EFEMP1: variants seen among roughly 807,000 people sequenced by gnomAD.
EFEMP1 encodes EGF-like fibulin extracellular matrix protein 1, also known as EGF-containing fibulin-like extracellular matrix protein 1.
EFEMP1 carries 18 observed loss-of-function variants against 65.7 expected under a neutral mutation model. That is an observed-to-expected ratio of 0.27 (90% CI 0.19 to 0.41). The LOEUF is 0.41. Among genes scored for constraint, EFEMP1 ranks in the 10% least tolerant of loss-of-function variants. The pLI, the probability that EFEMP1 is intolerant of heterozygous loss-of-function variation, is 1.00. For missense variants in EFEMP1, 469 were observed against 624.8 expected, an observed-to-expected ratio of 0.75 and a Z score of 2.66; for synonymous variants, 237 against 219.7, an observed-to-expected ratio of 1.08 and a Z score of -0.70.
intron 5 of EFEMP1, among the ~76,000 whole-genome samples, chr2:55,915,043 A>G (rs533181261): frequency 6.6e-6 from 1 of 152,364 alleles, no homozygotes; most frequent in Admixed American, 6.5e-5. Context: ...ATGTTAGTCA[A>G]ATTCCCTAGA....
intron 5 of EFEMP1, among the ~76,000 whole-genome samples, chr2:55,898,892 G>A (rs1669932887): frequency 6.6e-6 from 1 of 152,098 alleles, no homozygotes; most frequent in Non-Finnish European, 1.5e-5. Flanking sequence ...TATGATTTAT[G>A]GAAAAGGGAG....
Position 55,877,891 on chromosome 2 carries a change from G to A in EFEMP1, c.641-26C>T. ...CTAGGTTATCAGGCACACACACAAA[G>A]AGAACCAAATTATTGAATTAGCATT... On this transcript the variant is annotated intron_variant, in intron 6 of 11. Coordinates refer to ENST00000355426, the MANE Select transcript of EFEMP1 (RefSeq NM_001039348.3). The surrounding 1 kb of genome is among the most constrained non-coding windows in gnomAD (Gnocchi z 4.5). The A allele has an allele frequency of 2.5e-6, 4 of 1,611,818 alleles. No individual in the cohort carries two copies. Among genetic ancestry groups the A allele is most frequent in the Non-Finnish European group, 3.4e-6 (4 of 1,178,332 alleles).
intron 5 of EFEMP1, among the ~76,000 whole-genome samples, chr2:55,898,571 C>A (rs1034851452): frequency 6.6e-6 from 1 of 152,054 alleles, no homozygotes; most frequent in African/African-American, 2.4e-5. Flanking sequence ...ACTAATGCTC[C>A]CCACCTCAGT....
intron 5 of EFEMP1, among the ~76,000 whole-genome samples, chr2:55,905,191 C>A (rs1466179631): frequency 6.6e-6 from 1 of 152,062 alleles, no homozygotes; most frequent in African/African-American, 2.4e-5. Flanking sequence ...GTTTTATCCA[C>A]TTCTCAGGAC....
chr2:55,877,453 G>T lies in EFEMP1; in HGVS notation c.760+293C>A, dbSNP rs187645461. ...TGTAGTAACCCCTTTGGCACTTTCA[G>T]CATTATATCACACACTGCTGATTGA... On this transcript the variant is annotated intron_variant, in intron 7 of 11. Coordinates refer to ENST00000355426, the MANE Select transcript of EFEMP1 (RefSeq NM_001039348.3). The surrounding 1 kb of genome is among the most constrained non-coding windows in gnomAD (Gnocchi z 4.5). Among the ~76,000 whole-genome samples, 200 of 152,248 alleles carry T rather than the reference G, an allele frequency of 1.3e-3. No homozygotes were observed. The highest frequency in any genetic ancestry group is 2.2e-3 in the Non-Finnish European group (147 of 68,022).
At chr2:55,890,216 A>G (rs1007367657) in intron 5 of EFEMP1, among the ~76,000 whole-genome samples, 1 of 152,040 alleles carries the variant, frequency 6.6e-6, no homozygotes, top group Non-Finnish European at 1.5e-5. Flanking sequence ...GAAAAAAAAG[A>G]TTATTAGAGA....
rs1185800354 is a variant in EFEMP1 at position 55,873,753 on chromosome 2, C to T, written c.1000+1193G>A. On this transcript the variant is annotated intron_variant, in intron 9 of 11. Coordinates refer to ENST00000355426, the MANE Select transcript of EFEMP1 (RefSeq NM_001039348.3). This position sits in a 1 kb window ranked among gnomAD's most constrained non-coding sequence, Gnocchi z 4.6. ...TCATACTCAGTGGTTGGAGTCTAGT[C>T]GAAAAATTGTGTGCCTATTATAAAA... Among the ~76,000 whole-genome samples, 3 of 151,920 alleles carry T rather than the reference C, an allele frequency of 2.0e-5. No individual in the cohort carries two copies. Among genetic ancestry groups the T allele is most frequent in the East Asian group, 1.9e-4 (1 of 5,190 alleles).
In EFEMP1 at chr2:55,922,851, T is replaced by C; in HGVS notation, c.-8+48A>G. The C allele has an allele frequency of 8.6e-7, 1 of 1,160,926 alleles. No homozygotes were observed. Among genetic ancestry groups the C allele is most frequent in the Non-Finnish European group, 1.1e-6 (1 of 927,424 alleles). The allele number at this position is 1,160,926 out of a possible 1,614,324, so 71.9% of individuals were successfully genotyped here. A position where few individuals can be genotyped will look rare whatever the true frequency, so the allele number is the denominator to read the frequency against. On this transcript the variant is annotated intron_variant, in intron 2 of 11. Coordinates refer to ENST00000355426, the MANE Select transcript of EFEMP1 (RefSeq NM_001039348.3). This position sits in a 1 kb window ranked among gnomAD's most constrained non-coding sequence, Gnocchi z 5.5. ...ACACCCCGGGGGATGGAGGTGGGGC[T>C]GCAAAACTCTGTTCTCTAGAACGTT...
rs985904087 is a variant in EFEMP1, at chr2:55,919,961, C to T, written c.82-1694G>A. Among the ~76,000 whole-genome samples the T allele has an allele frequency of 6.6e-6, 1 of 152,210 alleles. No homozygotes were observed. The highest frequency in any genetic ancestry group is 1.5e-5 in the Non-Finnish European group (1 of 68,030). ...CATGAGTAGGCAAGGCCCCGCATCTCTACATGCTGCATACAGACCCCATGA... is the reference window on the plus strand; with the variant it reads ...CATGAGTAGGCAAGGCCCCGCATCTTTACATGCTGCATACAGACCCCATGA... On this transcript the variant is annotated intron_variant, in intron 3 of 11. Coordinates refer to ENST00000355426, the MANE Select transcript of EFEMP1 (RefSeq NM_001039348.3). This position sits in a 1 kb window ranked among gnomAD's most constrained non-coding sequence, Gnocchi z 4.5.
At position 55,867,304 on chromosome 2, in the gene EFEMP1, T is replaced by G; in HGVS notation, c.1321-70A>C. ...GATTGGAGTTTCTATGCTTTGTTAG[T>G]ATACCTCCTATAAGAATTAGGGGGA... On this transcript the variant is annotated intron_variant, in intron 11 of 11. Transcript: ENST00000355426. The surrounding 1 kb of genome is among the most constrained non-coding windows in gnomAD (Gnocchi z 4.3). 2.0e-6 allele frequency: 3 copies of G among 1,509,796 alleles called. No homozygotes were observed. The highest frequency in any genetic ancestry group is 2.7e-6 in the Non-Finnish European group (3 of 1,107,598). The allele number at this position is 1,509,796 out of a possible 1,614,324, so 93.5% of individuals were successfully genotyped here.
intron 5 of EFEMP1, among the ~76,000 whole-genome samples, chr2:55,895,763 T>A (rs6761658): frequency 1.2e-4 from 18 of 150,888 alleles, no homozygotes; most frequent in Middle Eastern, 3.5e-3. Flanking sequence ...GGATTGTCTC[T>A]ATCTCCTGAC....
Position 55,876,515 on chromosome 2 carries a change from A to G in EFEMP1, c.880+108T>C, listed in dbSNP as rs74818882. On this transcript the variant is annotated intron_variant, in intron 8 of 11. Coordinates refer to ENST00000355426, the MANE Select transcript of EFEMP1 (RefSeq NM_001039348.3). ...CTACATTAACTGGATTTTAGAACAG[A>G]ATTCCCATGGGTAAGCGTTTGTTTT... 2,603 of 1,494,688 alleles carry G rather than the reference A, an allele frequency of 1.7e-3. 70 individuals carry two copies. The East Asian group carries it at 0.057, about 33-fold the overall frequency. 92.6% of individuals were successfully genotyped at this position (1,494,688 alleles called of 1,614,324 possible). A position where few individuals can be genotyped will look rare whatever the true frequency, so the allele number is the denominator to read the frequency against.
intron 6 of EFEMP1, among the ~76,000 whole-genome samples, chr2:55,879,635 T>C (rs1172045159): frequency 1.3e-5 from 2 of 152,132 alleles, no homozygotes; most frequent in African/African-American, 4.8e-5. Flanking sequence ...AAGACAGGCA[T>C]GAAACAAATT....
At chr2:55,913,551 T>C (rs775867836) in intron 5 of EFEMP1, among the ~76,000 whole-genome samples, 2 of 152,136 alleles carry the variant, frequency 1.3e-5, no homozygotes, top group Non-Finnish European at 2.9e-5. Flanking sequence ...AACAAACAAG[T>C]TTCTTCAATT....
chr2:55,879,195 G>A (rs144444141), intron 6 of EFEMP1, among the ~76,000 whole-genome samples: 163 of 152,280 alleles, frequency 1.1e-3, no homozygotes, highest in African/African-American at 3.6e-3. Flanking sequence ...TTGAGGTGGA[G>A]GTAGAGGGTT....
intron 9 of EFEMP1, among the ~76,000 whole-genome samples, chr2:55,874,367 G>T (rs905526363): frequency 6.6e-6 from 1 of 151,740 alleles, no homozygotes; most frequent in Non-Finnish European, 1.5e-5. Context: ...TACCATTGTG[G>T]GGAGCTGCCT....
At chr2:55,880,969 C>G (rs1669216900) in intron 6 of EFEMP1, among the ~76,000 whole-genome samples, 1 of 152,230 alleles carries the variant, frequency 6.6e-6, no homozygotes, top group South Asian at 2.1e-4. Context: ...ACGTGCTGAA[C>G]TTGGCTTTGT....
chr2:55,891,633 CATG>C (rs1669631988), intron 5 of EFEMP1, among the ~76,000 whole-genome samples: 1 of 152,044 alleles, frequency 6.6e-6, no homozygotes, highest in Non-Finnish European at 1.5e-5. Flanking sequence ...ATACTTGCCT[CATG>C]ATGAAGTGTA....
rs907139700 is a variant in EFEMP1 at position 55,923,120 on chromosome 2, C to A, written c.-48-181G>T. Among the ~76,000 whole-genome samples, 11 of 152,218 alleles carry A rather than the reference C, an allele frequency of 7.2e-5. No homozygotes were observed. The highest frequency in any genetic ancestry group is 4.1e-4 in the South Asian group (2 of 4,826). On this transcript the variant is annotated intron_variant, in intron 1 of 11. Coordinates refer to ENST00000355426, the MANE Select transcript of EFEMP1 (RefSeq NM_001039348.3). The surrounding 1 kb of genome is among the most constrained non-coding windows in gnomAD (Gnocchi z 5.3). Reference sequence around the variant, plus strand: ...AGTGGCATTTCCACGCCTTTCTCTGCGCACAGCTTTGTTTAAAAGTCCCAG... The same window carrying A: ...AGTGGCATTTCCACGCCTTTCTCTGAGCACAGCTTTGTTTAAAAGTCCCAG...
Sources: gnomAD v4.1 joint callset for allele counts (sites outside exome capture counted in the v4.1 genomes callset) on GRCh38, gnomAD v4.1.1 for gene constraint, Gnocchi (gnomAD v3.1) non-coding constraint, MANE v1.5 for transcripts, NCBI Gene and HGNC (gene_info 2026-07-23, HGNC 2026-07-21) for gene names.